Variants in GRIN2A observed in about 807,000 individuals in gnomAD.
GRIN2A encodes the protein glutamate ionotropic receptor NMDA type subunit 2A.
In GRIN2A, 22 loss-of-function variants were observed where a neutral mutation model predicts 113.4. That is an observed-to-expected ratio of 0.19 (90% CI 0.14 to 0.28). GRIN2A has a LOEUF of 0.28. Among genes scored for constraint, GRIN2A ranks in the 10% least tolerant of loss-of-function variants. The pLI is 1.00. For synonymous variants in GRIN2A, 827 were observed against 738.4 expected, an observed-to-expected ratio of 1.12 and a Z score of -1.94; for missense variants, 1,502 against 1,887.0, an observed-to-expected ratio of 0.80 and a Z score of 3.78.
At chr16:9,832,419 C>T (rs138786916) in intron 8 of GRIN2A, among the ~76,000 whole-genome samples, 171 of 152,232 alleles carry the variant, frequency 1.1e-3, no homozygotes, top group Admixed American at 9.1e-3. Context: ...TCTTATCTAA[C>T]GTAGTGTCTG....
intron 4 of GRIN2A, among the ~76,000 whole-genome samples, chr16:9,858,383 C>T (rs2043003927): frequency 2.0e-5 from 3 of 152,034 alleles, no homozygotes; most frequent in Admixed American, 2.0e-4. Context: ...ACTTTTTTAT[C>T]TCTATTATGA....
intron 11 of GRIN2A, among the ~76,000 whole-genome samples, chr16:9,789,357 C>T (rs369513118): frequency 1.3e-3 from 194 of 152,264 alleles, no homozygotes; most frequent in African/African-American, 4.4e-3. Flanking sequence ...CCTGAAGGTA[C>T]AGTCCCTCTC....
At chr16:10,079,503 G>T (rs951531849) in intron 2 of GRIN2A, among the ~76,000 whole-genome samples, 1 of 152,156 alleles carries the variant, frequency 6.6e-6, no homozygotes, top group Non-Finnish European at 1.5e-5. Context: ...GGTGTTAGGA[G>T]GTAGGGCCCT....
intron 2 of GRIN2A, among the ~76,000 whole-genome samples, chr16:9,963,378 T>C (rs548489626): frequency 6.6e-6 from 1 of 152,172 alleles, no homozygotes; most frequent in East Asian, 2.0e-4. Flanking sequence ...ATCTGTCATC[T>C]ATATTTTAAG....
At chr16:10,014,650 T>C (rs2046569021) in intron 2 of GRIN2A, among the ~76,000 whole-genome samples, 1 of 152,014 alleles carries the variant, frequency 6.6e-6, no homozygotes, top group South Asian at 2.1e-4. Flanking sequence ...TAAGTAGGAG[T>C]TAACGAGATG....
intron 11 of GRIN2A, among the ~76,000 whole-genome samples, chr16:9,774,507 A>G (rs4781787): frequency 0.74 from 112,142 of 152,084 alleles, 42,516 homozygotes; most frequent in Middle Eastern, 0.87. Context: ...CTATCCAACT[A>G]CTCATCCATT....
At chr16:10,104,812 G>T (rs1423961475) in intron 2 of GRIN2A, among the ~76,000 whole-genome samples, 1 of 152,138 alleles carries the variant, frequency 6.6e-6, no homozygotes, top group Non-Finnish European at 1.5e-5. Flanking sequence ...GCAGTCGACG[G>T]CAGGGTATGA....
chr16:9,951,638 A>C (rs1195468701), intron 2 of GRIN2A, among the ~76,000 whole-genome samples: 1 of 152,208 alleles, frequency 6.6e-6, no homozygotes, highest in Non-Finnish European at 1.5e-5. Context: ...GAGCATAAAC[A>C]AGGGGTGGAA....
chr16:10,117,614 C>CTGT (rs1205326566), intron 2 of GRIN2A, among the ~76,000 whole-genome samples: 1 of 152,182 alleles, frequency 6.6e-6, no homozygotes, highest in African/African-American at 2.4e-5. Context: ...CATCCCCGAA[C>CTGT]TGTTCACAGG....
chr16:9,955,713 C>G (rs2045291222), intron 2 of GRIN2A, among the ~76,000 whole-genome samples: 1 of 152,138 alleles, frequency 6.6e-6, no homozygotes, highest in Non-Finnish European at 1.5e-5. Flanking sequence ...ACTGTAGAAG[C>G]CTAATTCCAT....
rs1421024658 is a variant in GRIN2A, at chr16:9,755,349, A to G, written c.*7800T>C. 1.1e-5 allele frequency: 2 copies of G among 187,142 alleles called. No individual in the cohort carries two copies. Among genetic ancestry groups the G allele is most frequent in the South Asian group, 2.0e-4 (1 of 5,114 alleles). The allele number at this position is 187,142 out of a possible 1,614,324, so 11.6% of individuals were successfully genotyped here. On this transcript the variant is annotated 3_prime_UTR_variant, in exon 13 of 13. Transcript: ENST00000330684. ...GGAGTGCTCCATTTCTGCATAGCTC[A>G]ACATTCCAAGGAGAACATGGTCACG...
chr16:9,812,192 C>T (rs955926955), intron 10 of GRIN2A, among the ~76,000 whole-genome samples: 4 of 152,168 alleles, frequency 2.6e-5, no homozygotes, highest in African/African-American at 9.7e-5. Flanking sequence ...CTTAATCTCT[C>T]AATGCCTGTT....
intron 5 of GRIN2A, among the ~76,000 whole-genome samples, chr16:9,848,531 A>G (rs1043173906): frequency 9.3e-5 from 14 of 150,886 alleles, no homozygotes; most frequent in Admixed American, 7.3e-4. Context: ...TATTTTTAAT[A>G]TATAAAAATA....
chr16:9,941,140 A>C (rs1275659599), intron 2 of GRIN2A, among the ~76,000 whole-genome samples: 1 of 152,214 alleles, frequency 6.6e-6, no homozygotes, highest in Non-Finnish European at 1.5e-5. Context: ...TCAACAAGAC[A>C]CACGCTAAAG....
intron 3 of GRIN2A, among the ~76,000 whole-genome samples, chr16:9,933,335 C>A (rs1292191120): frequency 2.0e-5 from 3 of 150,790 alleles, no homozygotes; most frequent in African/African-American, 7.5e-5. Flanking sequence ...AATATCCTAA[C>A]TGCACCAGCT....
At chr16:9,839,172 G>A (rs1051607875) in intron 7 of GRIN2A, among the ~76,000 whole-genome samples, 3 of 152,138 alleles carry the variant, frequency 2.0e-5, no homozygotes, top group Admixed American at 2.0e-4. Context: ...GGGGGAATTA[G>A]TGATCTGAAT....
rs1339193078 is a variant in GRIN2A at position 9,754,589 on chromosome 16, G to A, written c.*8560C>T. The A allele has an allele frequency of 4.7e-5, 10 of 212,298 alleles. No individual in the cohort carries two copies. Among genetic ancestry groups the A allele is most frequent in the Admixed American group, 1.2e-4 (2 of 17,056 alleles). 13.2% of individuals were successfully genotyped at this position (212,298 alleles called of 1,614,324 possible). On this transcript the variant is annotated 3_prime_UTR_variant, in exon 13 of 13. Transcript: ENST00000330684. The stretch of plus-strand genomic sequence containing the variant: ...TTTGTTTTTAAACTGAAACATTTAC[G>A]TAAGTGGTCATGGCCCCAGAGCTTT...
At chr16:10,108,815 C>CA (rs1300430072) in intron 2 of GRIN2A, among the ~76,000 whole-genome samples, 3 of 151,552 alleles carry the variant, frequency 2.0e-5, no homozygotes, top group African/African-American at 7.3e-5. Flanking sequence ...AACATAGAAG[C>CA]AAAAAAAGCA....
chr16:9,993,218 G>A (rs2046157932), intron 2 of GRIN2A, among the ~76,000 whole-genome samples: 1 of 151,652 alleles, frequency 6.6e-6, no homozygotes, highest in Non-Finnish European at 1.5e-5. Flanking sequence ...CGGCTACACA[G>A]CAAGACTCTG....
Sources: allele counts gnomAD v4.1 joint callset (sites outside exome capture counted in the v4.1 genomes callset), GRCh38; gene constraint gnomAD v4.1.1; transcripts MANE v1.5; gene names NCBI Gene and HGNC (gene_info 2026-07-23, HGNC 2026-07-21).